The following CLN3 variants were observed in gnomAD, a reference collection of about 807,000 sequenced individuals.
CLN3 encodes battenin.
CLN3 carries 49 observed loss-of-function variants against 60.7 expected under a neutral mutation model. The observed-to-expected ratio is 0.81, with a 90% CI of 0.64 to 1.02. CLN3 has a LOEUF of 1.02. Among genes scored for constraint, CLN3 ranks in the 50% least tolerant of loss-of-function variants. The pLI is 0.00. For missense variants in CLN3, 516 were observed against 557.4 expected (o/e 0.93, Z 0.75); for synonymous variants, 256 against 245.8 (o/e 1.04, Z -0.39).
chr16:28,484,438 T>C (rs939541573), intron 9 of CLN3: 10 of 319,234 alleles, frequency 3.1e-5, no homozygotes, highest in Non-Finnish European at 5.5e-5. Flanking sequence ...AGCCGCGACC[T>C]CCCAGGCTCA....
rs902236835 is a variant in CLN3 at position 28,477,414 on chromosome 16, C to G, written c.*102G>C. 6.6e-7 allele frequency: 1 copy of G among 1,526,364 alleles called. No homozygotes were observed. Among genetic ancestry groups the G allele is most frequent in the African/African-American group, 1.4e-5 (1 of 73,078 alleles). The allele number at this position is 1,526,364 out of a possible 1,614,324, so 94.6% of individuals were successfully genotyped here. The stretch of plus-strand genomic sequence containing the variant: ...CCTACTCCCAGACCTGCCGGGAAGG[C>G]TGGGAGCACAGTTCATGGAGGGTCT... On this transcript the variant is annotated 3_prime_UTR_variant, in exon 16 of 16. Coordinates refer to ENST00000636147, the MANE Select transcript of CLN3 (RefSeq NM_001042432.2).
At chr16:28,485,473 C>G (rs2046192657) in intron 9 of CLN3, among the ~76,000 whole-genome samples, 1 of 141,884 alleles carries the variant, frequency 7.0e-6, no homozygotes, top group South Asian at 2.2e-4. Flanking sequence ...GAGGCTGAGG[C>G]AGGAGAATCA....
intron 4 of CLN3, 44 bp from the exon 5 acceptor site, chr16:28,488,706 TAGACACACAGAGC>T: frequency 6.3e-7 from 1 of 1,583,124 alleles, no homozygotes; most frequent in Non-Finnish European, 8.7e-7. Context: ...GGCAGAGGGA[TAGACACACAGAGC>T]CTGGCTCCCG....
At position 28,477,749 on chromosome 16, in the gene CLN3, G is replaced by A. The variant is rs747968377; in HGVS notation, c.1185C>T (p.Asn395=). The change falls in exon 15 of 16, where the codon AAC becomes AAT. Residue 395 remains asparagine, a synonymous_variant. Transcript: ENST00000636147. Reference sequence around the variant, plus strand: ...GGCCAATGCTGACCTCCAGGGCGATGTTGTGGAAGGTGTTCACGTAGGCTG... The same window carrying A: ...GGCCAATGCTGACCTCCAGGGCGATATTGTGGAAGGTGTTCACGTAGGCTG... ...GGAAYVNTFH[N]IALETSDEHR... is the part of the protein sequence containing the mutation. The A allele has an allele frequency of 4.3e-6, 7 of 1,614,216 alleles. No individual in the cohort carries two copies. The highest frequency in any genetic ancestry group is 5.9e-6 in the Non-Finnish European group (7 of 1,180,034).
downstream of CLN3, among the ~76,000 whole-genome samples, chr16:28,472,246 C>G (rs1363126295): frequency 6.6e-6 from 1 of 151,890 alleles, no homozygotes; most frequent in Admixed American, 6.6e-5. Flanking sequence ...GACACCGTCT[C>G]TACCAAAAAA....
At chr16:28,476,039 C>G (rs1165364364), downstream of CLN3, 2 of 152,002 alleles carry the variant, frequency 1.3e-5, no homozygotes. Flanking sequence ...GTGCAAGCCA[C>G]CACACCTGGC....
At chr16:28,482,418 CTG>C (rs2046114273) in intron 12 of CLN3, 36 bp from the exon 13 acceptor site, 2 of 1,613,628 alleles carry the variant, frequency 1.2e-6, no homozygotes, top group Non-Finnish European at 1.7e-6. Flanking sequence ...ATGGACGGGG[CTG>C]TGTGGGTCCC....
intron 9 of CLN3, among the ~76,000 whole-genome samples, chr16:28,486,060 C>T (rs550933933): frequency 2.2e-4 from 34 of 151,358 alleles, no homozygotes; most frequent in Non-Finnish European, 4.0e-4. Flanking sequence ...TGCAATGGCA[C>T]GATCTCGGCT....
intron 9 of CLN3, among the ~76,000 whole-genome samples, chr16:28,486,044 C>G (rs1012231295): frequency 1.3e-5 from 2 of 151,108 alleles, no homozygotes; most frequent in Non-Finnish European, 3.0e-5. Flanking sequence ...GTCGCCCGGG[C>G]TGGAGTGCAA....
chr16:28,490,574 C>A (rs1433287020), intron 3 of CLN3, among the ~76,000 whole-genome samples: 2 of 151,022 alleles, frequency 1.3e-5, no homozygotes, highest in African/African-American at 4.9e-5. Context: ...TCCTGGATAA[C>A]GCGGTGAAAC....
At chr16:28,479,126 C>T (rs1028678904) in intron 14 of CLN3, among the ~76,000 whole-genome samples, 9 of 152,208 alleles carry the variant, frequency 5.9e-5, no homozygotes, top group South Asian at 2.1e-4. Context: ...GCACTGACCA[C>T]GCCACATTGC....
At chr16:28,487,260 A>C (rs2046235121) in intron 7 of CLN3, 196 bp downstream of exon 7, 1 of 650,464 alleles carries the variant, frequency 1.5e-6, no homozygotes, top group Non-Finnish European at 2.8e-6. Context: ...TAATTCATCC[A>C]TTTTCTCCCA....
At position 28,484,028 on chromosome 16, in the gene CLN3, G is replaced by A. The variant is rs145967477; in HGVS notation, c.768C>T (p.Thr256=). The change falls in exon 10 of 16, where the codon ACC becomes ACT. Residue 256 remains threonine, a synonymous_variant. Coordinates refer to ENST00000636147, the MANE Select transcript of CLN3 (RefSeq NM_001042432.2). ...ESAARQPLIR[T]EAPESKPGSS... is the part of the protein sequence containing the mutation. Reference sequence around the variant, plus strand: ...TACCTGGCTTCGACTCCGGGGCCTCGGTTCTTATGAGGGGCTGCCGGGCTG... The same window carrying A: ...TACCTGGCTTCGACTCCGGGGCCTCAGTTCTTATGAGGGGCTGCCGGGCTG... 3.6e-4 allele frequency: 582 copies of A among 1,610,850 alleles called. 2 individuals are homozygous for A. Among genetic ancestry groups the A allele is most frequent in the African/African-American group, 2.5e-3 (189 of 74,958 alleles).
chr16:28,477,080 G>A (rs145457707), downstream of CLN3: 2,550 of 246,318 alleles, frequency 0.01, 16 homozygotes, highest in Non-Finnish European at 0.016. Flanking sequence ...AGGTTGCAGT[G>A]AGCCAAGATC....
chr16:28,480,410 TTTTTTTTGGAG>T (rs938440651), intron 14 of CLN3, among the ~76,000 whole-genome samples: 8 of 150,386 alleles, frequency 5.3e-5, no homozygotes, highest in Non-Finnish European at 8.9e-5. Context: ...TCCTAAGTCT[TTTTTTTTGGAG>T]ATGGAGTCTC....
chr16:28,472,208 T>A (rs193153487), downstream of CLN3, among the ~76,000 whole-genome samples: 11 of 151,678 alleles, frequency 7.3e-5, no homozygotes, highest in East Asian at 2.1e-3. Context: ...AGCTGAGGAG[T>A]TTGAGACCAG....
rs142834723 is a variant in CLN3 at position 28,488,704 on chromosome 16, G to A, written c.223-42C>T. On this transcript the variant is annotated intron_variant, in intron 4 of 15. Coordinates refer to ENST00000636147, the MANE Select transcript of CLN3 (RefSeq NM_001042432.2). Reference sequence around the variant, plus strand: ...ATGTCTTTCACCCTGGAGGCAGAGGGATAGACACACAGAGCCTGGCTCCCG... The same window carrying A: ...ATGTCTTTCACCCTGGAGGCAGAGGAATAGACACACAGAGCCTGGCTCCCG... The A allele has an allele frequency of 1.6e-4, 257 of 1,588,818 alleles. 3 individuals are homozygous for A. In the East Asian group the frequency reaches 5.7e-3, roughly 35 times the overall value.
chr16:28,491,587 C>T (rs1322242463), intron 2 of CLN3, 27 bp from the exon 3 acceptor site: 1 of 1,613,720 alleles, frequency 6.2e-7, no homozygotes, highest in African/African-American at 1.3e-5. Context: ...AGGGCATGAC[C>T]CCCACCTACT....
In CLN3 at chr16:28,486,352, C is replaced by T. The variant is rs747071263; in HGVS notation, c.672G>A (p.Leu224=). 3 of 1,612,176 alleles carry T rather than the reference C, an allele frequency of 1.9e-6. No homozygotes were observed. In the South Asian group the frequency reaches 3.3e-5, roughly 18 times the overall value. ...LSMLGIPALL[L]ASYFLLLTSP... ...CCCGGCTCAGGGCAGCTCACCTGGCCAGCAGCAGGGCAGGGATACCCAGCA... is the reference window on the plus strand; with the variant it reads ...CCCGGCTCAGGGCAGCTCACCTGGCTAGCAGCAGGGCAGGGATACCCAGCA... The change falls in exon 9 of 16, where the codon CTG becomes CTA. Residue 224 remains leucine, a synonymous_variant. Coordinates refer to ENST00000636147, the MANE Select transcript of CLN3 (RefSeq NM_001042432.2).
Sources: gnomAD v4.1 joint callset for allele counts (sites outside exome capture counted in the v4.1 genomes callset) on GRCh38, gnomAD v4.1.1 for gene constraint, MANE v1.5 for transcripts, NCBI Gene and HGNC (gene_info 2026-07-23, HGNC 2026-07-21) for gene names.